Variants in NAMPT observed in about 807,000 individuals in gnomAD.
NAMPT encodes nicotinamide phosphoribosyltransferase.
Under a neutral mutation model 58.7 loss-of-function variants are expected in NAMPT, and 7 were observed. That is an observed-to-expected ratio of 0.12 (90% CI 0.07 to 0.22). The LOEUF (loss-of-function observed/expected upper bound fraction) is 0.22, where lower values mean the gene tolerates loss of function less well. Ranked by LOEUF, NAMPT falls within the 10% of genes least tolerant of loss-of-function variation. The pLI is 1.00. For missense variants in NAMPT, 271 were observed against 567.9 expected (o/e 0.48, Z 5.31); for synonymous variants, 145 against 198.1 (o/e 0.73, Z 2.25).
At chr7:106,266,732 G>C (rs1260977375) in intron 6 of NAMPT, among the ~76,000 whole-genome samples, 1 of 152,072 alleles carries the variant, frequency 6.6e-6, no homozygotes, top group Non-Finnish European at 1.5e-5. Context: ...ACTACCTTCT[G>C]ATTTTTCCTT....
At chr7:106,276,146 T>C (rs1230342021) in intron 2 of NAMPT, 1 of 152,222 alleles carries the variant, frequency 6.6e-6, no homozygotes, top group Non-Finnish European at 1.5e-5. Context: ...TGCCTAATCT[T>C]AAAAGAGTCA....
chr7:106,276,325 ATTT>A (rs1302471002), intron 2 of NAMPT: 1 of 152,080 alleles, frequency 6.6e-6, no homozygotes, highest in Non-Finnish European at 1.5e-5. Context: ...AAATTGGGGG[ATTT>A]TTGTTTTAAT....
upstream of NAMPT, chr7:106,285,037 G>C (rs887985498): frequency 1.3e-5 from 18 of 1,387,056 alleles, no homozygotes; most frequent in East Asian, 1.9e-4. Context: ...GGAGGGGTCA[G>C]AGGAGGGCGG....
chr7:106,259,993 A>C (rs933536234), intron 8 of NAMPT, among the ~76,000 whole-genome samples: 3 of 152,060 alleles, frequency 2.0e-5, no homozygotes, highest in Non-Finnish European at 2.9e-5. Flanking sequence ...CCATTTATAA[A>C]GCACAGGCAG....
chr7:106,276,672 G>A (rs1228244525), intron 2 of NAMPT: 2 of 209,030 alleles, frequency 9.6e-6, no homozygotes, highest in Non-Finnish European at 2.0e-5. Flanking sequence ...GAGAAAGCCC[G>A]TCTTCACTAA....
intron 1 of NAMPT, among the ~76,000 whole-genome samples, chr7:106,280,240 G>A (rs1468449094): frequency 1.3e-5 from 2 of 152,142 alleles, no homozygotes; most frequent in East Asian, 1.9e-4. Flanking sequence ...GAACTACGCC[G>A]ATAAATTGGA....
At chr7:106,251,259 T>C in intron 10 of NAMPT, 66 bp from the exon 11 acceptor site, 1 of 1,012,924 alleles carries the variant, frequency 9.9e-7, no homozygotes, top group South Asian at 1.3e-5. Context: ...CCTGGTTTGA[T>C]GAATTAGACT....
Position 106,250,218 on chromosome 7 carries a change from G to T in NAMPT, c.*865C>A, listed in dbSNP as rs1562810201. The T allele has an allele frequency of 6.6e-6, 1 of 152,202 alleles. No homozygotes were observed. Among genetic ancestry groups the T allele is most frequent in the African/African-American group, 2.4e-5 (1 of 41,340 alleles). 9.4% of individuals were successfully genotyped at this position (152,202 alleles called of 1,614,324 possible). A position where few individuals can be genotyped will look rare whatever the true frequency, so the allele number is the denominator to read the frequency against. Reference sequence around the variant, plus strand: ...TTTAAAATACACTACTTCCACTTTTGTAAGTATTTTACATTTATGTATATA... The same window carrying T: ...TTTAAAATACACTACTTCCACTTTTTTAAGTATTTTACATTTATGTATATA... On this transcript the variant is annotated 3_prime_UTR_variant, in exon 11 of 11. Coordinates refer to ENST00000222553, the MANE Select transcript of NAMPT (RefSeq NM_005746.3).
At chr7:106,277,718 A>C (rs1337258556) in intron 1 of NAMPT, among the ~76,000 whole-genome samples, 3 of 152,016 alleles carry the variant, frequency 2.0e-5, no homozygotes, top group Admixed American at 1.3e-4. Context: ...CAGCAAAGTA[A>C]AAAAAAATCC....
At chr7:106,280,240 G>C (rs1468449094) in intron 1 of NAMPT, among the ~76,000 whole-genome samples, 1 of 152,142 alleles carries the variant, frequency 6.6e-6, no homozygotes, top group African/African-American at 2.4e-5. Flanking sequence ...GAACTACGCC[G>C]ATAAATTGGA....
chr7:106,284,017 C>G (rs762890066), intron 1 of NAMPT, among the ~76,000 whole-genome samples: 1 of 152,232 alleles, frequency 6.6e-6, no homozygotes, highest in African/African-American at 2.4e-5. Flanking sequence ...GGCATGTGAA[C>G]GCAACGCTGT....
chr7:106,278,055 GTGAATCA>G (rs1287138510), intron 1 of NAMPT, among the ~76,000 whole-genome samples: 2 of 152,178 alleles, frequency 1.3e-5, no homozygotes, highest in Non-Finnish European at 2.9e-5. Flanking sequence ...AAGATACAGG[GTGAATCA>G]TGGCAATGGC....
At chr7:106,279,447 T>A (rs1019151157) in intron 1 of NAMPT, among the ~76,000 whole-genome samples, 1 of 152,226 alleles carries the variant, frequency 6.6e-6, no homozygotes, top group African/African-American at 2.4e-5. Flanking sequence ...GTACATGTTG[T>A]TTAATGGGAA....
At chr7:106,285,064 GC>G (rs1792845919), upstream of NAMPT, 2 of 1,358,410 alleles carry the variant, frequency 1.5e-6, no homozygotes, top group African/African-American at 3.0e-5. Flanking sequence ...GAGCCGTGAC[GC>G]GGCGCGGGTG....
intron 8 of NAMPT, 85 bp from the exon 9 acceptor site, chr7:106,254,589 A>G: frequency 7.0e-7 from 1 of 1,436,382 alleles, no homozygotes. Flanking sequence ...ATATTGATGA[A>G]TGAAGCATCC....
rs1286656347 is a variant in NAMPT, at chr7:106,249,878, C to T, written c.*1205G>A. 2.0e-5 allele frequency: 3 copies of T among 152,000 alleles called. No homozygotes were observed. Among genetic ancestry groups the T allele is most frequent in the Non-Finnish European group, 4.4e-5 (3 of 67,942 alleles). The allele number at this position is 152,000 out of a possible 1,614,324, so 9.4% of individuals were successfully genotyped here. On this transcript the variant is annotated 3_prime_UTR_variant, in exon 11 of 11. Coordinates refer to ENST00000222553, the MANE Select transcript of NAMPT (RefSeq NM_005746.3). ...TGATTCAGAATCTAGTAGCTAATCA[C>T]TCTAGAACATTTTGATGTCAAGCAC...
At chr7:106,270,555 T>C (rs1792513070) in intron 4 of NAMPT, among the ~76,000 whole-genome samples, 1 of 152,180 alleles carries the variant, frequency 6.6e-6, no homozygotes, top group Non-Finnish European at 1.5e-5. Flanking sequence ...ATCCCTTGAG[T>C]CTGTGCTGTC....
rs1235518601 is a variant in NAMPT, at chr7:106,251,061, AAC to A, written c.*20_*21del. 6.9e-7 allele frequency: 1 copy of A among 1,454,472 alleles called. No individual in the cohort carries two copies. The highest frequency in any genetic ancestry group is 9.7e-7 in the Non-Finnish European group (1 of 1,035,282). 90.1% of individuals were successfully genotyped at this position (1,454,472 alleles called of 1,614,324 possible). A position where few individuals can be genotyped will look rare whatever the true frequency, so the allele number is the denominator to read the frequency against. Reference sequence around the variant, plus strand: ...TAAACATTATGTATTACATACACACAACACACACCCAGTCATAAAGCCTAATG... The same window carrying A: ...TAAACATTATGTATTACATACACACAACACACCCAGTCATAAAGCCTAATG... On this transcript the variant is annotated 3_prime_UTR_variant, in exon 11 of 11. Transcript: ENST00000222553.
chr7:106,267,017 T>G (rs1316854726), intron 6 of NAMPT, among the ~76,000 whole-genome samples: 1 of 152,234 alleles, frequency 6.6e-6, no homozygotes, highest in Non-Finnish European at 1.5e-5. Flanking sequence ...CTCCCTCCTC[T>G]TTCATTCTTG....
Sources: allele counts gnomAD v4.1 joint callset (sites outside exome capture counted in the v4.1 genomes callset), GRCh38; gene constraint gnomAD v4.1.1; transcripts MANE v1.5; gene names NCBI Gene and HGNC (gene_info 2026-07-23, HGNC 2026-07-21).